The following PDE1C variants were observed in gnomAD, a reference collection of about 807,000 sequenced individuals.
The protein encoded by PDE1C is dual specificity calcium/calmodulin-dependent 3',5'-cyclic nucleotide phosphodiesterase 1C.
In PDE1C, 62 loss-of-function variants were observed where a neutral mutation model predicts 93.1. The ratio of observed to expected loss-of-function variants is 0.67; its 90% CI spans 0.54 to 0.82. The LOEUF (loss-of-function observed/expected upper bound fraction) is 0.82, where lower values mean the gene tolerates loss of function less well. PDE1C is among the 40% of genes least tolerant of loss of function. The pLI is 0.00. For synonymous variants in PDE1C, 325 were observed against 310.1 expected (o/e 1.05, Z -0.50); for missense variants, 742 against 884.6 (o/e 0.84, Z 2.04).
At chr7:31,917,924 A>G (rs558801965) in intron 2 of PDE1C, among the ~76,000 whole-genome samples, 62 of 152,304 alleles carry the variant, frequency 4.1e-4, no homozygotes, top group African/African-American at 1.4e-3. Context: ...TTTAAGCCCT[A>G]TGGAAAAAAT....
the PDE1C span, among the ~76,000 whole-genome samples, chr7:31,636,681 A>C: frequency 5.3e-5 from 8 of 152,038 alleles, no homozygotes; most frequent in Middle Eastern, 3.4e-3. Context: ...AGGGAGAACT[A>C]ACAGGCTGTG....
At chr7:31,935,438 T>C (rs2128989426) in intron 2 of PDE1C, among the ~76,000 whole-genome samples, 1 of 152,284 alleles carries the variant, frequency 6.6e-6, no homozygotes, top group Middle Eastern at 3.4e-3. Context: ...TCTCTAACTC[T>C]TGCTTTTCAC....
rs1199898038 is a variant in PDE1C at position 32,092,428 on chromosome 7, T to C, written c.308+77357A>G. ...TCTAAAGCTAGGAGCTCTGGGCAGA[T>C]GCTGACTTCCCAGTGACCCAAATCT... On this transcript the variant is annotated intron_variant, in intron 3 of 18. Coordinates refer to the PDE1C transcript ENST00000396193. Among the ~76,000 whole-genome samples the C allele has an allele frequency of 2.1e-4, 32 of 152,268 alleles. No individual in the cohort carries two copies. The East Asian group carries it at 3.5e-3, about 17-fold the overall frequency.
At chr7:32,415,840 G>C (rs1347074061) in intron 1 of PDE1C, among the ~76,000 whole-genome samples, 2 of 152,222 alleles carry the variant, frequency 1.3e-5, no homozygotes, top group East Asian at 3.9e-4. Flanking sequence ...TCATCTCCAA[G>C]GTCATGTGAA....
the PDE1C span, among the ~76,000 whole-genome samples, chr7:31,654,053 C>CAA: frequency 3.1e-5 from 4 of 130,366 alleles, no homozygotes; most frequent in African/African-American, 8.5e-5. Flanking sequence ...AGAGTAAGTC[C>CAA]AAAAAAAAAA....
intron 1 of PDE1C, chr7:32,209,683 C>T (rs1584964338): frequency 1.5e-6 from 1 of 645,890 alleles, no homozygotes; most frequent in Non-Finnish European, 2.6e-6. Context: ...ACTTTACTCC[C>T]TCCGTGTCTG....
At chr7:31,642,527 G>T in the PDE1C span, among the ~76,000 whole-genome samples, 2 of 152,192 alleles carry the variant, frequency 1.3e-5, no homozygotes, top group African/African-American at 4.8e-5. Flanking sequence ...TCCTAGAGAG[G>T]AGGACCTTGG....
intron 1 of PDE1C, among the ~76,000 whole-genome samples, chr7:32,226,332 A>G (rs976490736): frequency 1.3e-5 from 2 of 152,180 alleles, no homozygotes; most frequent in Non-Finnish European, 2.9e-5. Context: ...AACATAAACT[A>G]TAAGGAGATG....
At chr7:31,759,216 CAA>C (rs1794676118) in intron 17 of PDE1C, among the ~76,000 whole-genome samples, 1 of 152,142 alleles carries the variant, frequency 6.6e-6, no homozygotes, top group Admixed American at 6.5e-5. Flanking sequence ...GGTGACAGAG[CAA>C]AACACCAGAG....
upstream of PDE1C, chr7:32,071,399 C>A: frequency 1.0e-6 from 1 of 985,492 alleles, no homozygotes; most frequent in Non-Finnish European, 1.2e-6. Flanking sequence ...CGAAGGGAAC[C>A]ACACACCACA....
At chr7:32,318,085 C>G in intron 1 of PDE1C, among the ~76,000 whole-genome samples, 1 of 152,154 alleles carries the variant, frequency 6.6e-6, no homozygotes, top group East Asian at 1.9e-4. Context: ...CGTAACAACA[C>G]TTCATAAAGT....
chr7:31,881,017 T>C (rs925545206), intron 2 of PDE1C, among the ~76,000 whole-genome samples, 157 bp from the exon 3 acceptor site: 1 of 152,218 alleles, frequency 6.6e-6, no homozygotes, highest in African/African-American at 2.4e-5. Context: ...GGTAATAAAA[T>C]AAATGTATAC....
rs752894816 is a variant in PDE1C, at chr7:31,775,697, T to A, written c.1927A>T (p.Ser643Cys). 13 of 1,612,730 alleles carry A rather than the reference T, an allele frequency of 8.1e-6. No individual in the cohort carries two copies. The African/African-American group carries it at 1.7e-4, about 22-fold the overall frequency. The change falls in exon 17 of 18, where the codon AGC becomes TGC. Residue 643 changes from serine to cysteine, a missense_variant. By Grantham distance (112) the Ser-to-Cys change is moderately radical. This residue lies in a region of PDE1C where 454 missense variants were observed against 459.4 expected (regional missense o/e 0.99). Transcript: ENST00000396191. ...GTAAGGCGACACGTGGAGCTGGTGC[T>A]TGGGGCTGGTGAGCCGTGAGAACGC... ...KQRSHGSPAPSTSSTCRLTLP... is the reference protein window; with the variant it reads ...KQRSHGSPAPCTSSTCRLTLP...
At chr7:31,907,972 G>A (rs551419139) in intron 2 of PDE1C, among the ~76,000 whole-genome samples, 44 of 151,638 alleles carry the variant, frequency 2.9e-4, no homozygotes, top group African/African-American at 1.0e-3. Context: ...AAAAGGGAGG[G>A]GCAGGGTGAG....
intron 2 of PDE1C, among the ~76,000 whole-genome samples, chr7:31,998,518 T>C (rs2128553526): frequency 6.6e-6 from 1 of 152,336 alleles, no homozygotes; most frequent in African/African-American, 2.4e-5. Flanking sequence ...ACTATACTTG[T>C]ACACATCTAG....
intron 2 of PDE1C, among the ~76,000 whole-genome samples, chr7:31,987,989 T>C (rs1035393997): frequency 1.3e-5 from 2 of 152,188 alleles, no homozygotes; most frequent in Non-Finnish European, 1.5e-5. Flanking sequence ...TGAGTTTCTG[T>C]TGGAGGCATC....
chr7:31,924,062 T>C (rs1198945056), intron 2 of PDE1C, among the ~76,000 whole-genome samples: 1 of 152,216 alleles, frequency 6.6e-6, no homozygotes, highest in Non-Finnish European at 1.5e-5. Context: ...GAGGTTTCTA[T>C]CATTTTGGCT....
rs148667674 is a variant in PDE1C, at chr7:31,918,364, T to C, written c.129-37504A>G. Among the ~76,000 whole-genome samples the C allele has an allele frequency of 5.3e-5, 8 of 152,294 alleles. No individual in the cohort carries two copies. The East Asian group carries it at 1.5e-3, about 29-fold the overall frequency. ...CTAACTGAGGCAAAATAGTATTCAT[T>C]TGTGTGTAGGTATATGTCACGCATG... On this transcript the variant is annotated intron_variant, in intron 2 of 17. Coordinates refer to ENST00000396191, the MANE Select transcript of PDE1C (RefSeq NM_001191057.4).
At chr7:32,313,015 G>A (rs1357473730) in intron 1 of PDE1C, among the ~76,000 whole-genome samples, 2 of 151,956 alleles carry the variant, frequency 1.3e-5, no homozygotes, top group Admixed American at 6.6e-5. Flanking sequence ...CTGACAAAGG[G>A]CTAATATCCA....
Sources: allele counts gnomAD v4.1 joint callset (sites outside exome capture counted in the v4.1 genomes callset), GRCh38; gene constraint gnomAD v4.1.1; regional missense constraint gnomAD v4.1.1; transcripts MANE v1.5; gene names NCBI Gene and HGNC (gene_info 2026-07-23, HGNC 2026-07-21).